TAFA5: variants seen among roughly 807,000 people sequenced by gnomAD.
TAFA5 encodes the protein TAFA chemokine like family member 5.
Under a neutral mutation model 15.3 loss-of-function variants are expected in TAFA5, and 6 were observed. That is an observed-to-expected ratio of 0.39 (90% CI 0.21 to 0.77). TAFA5 has a LOEUF of 0.77. Among genes scored for constraint, TAFA5 ranks in the 30% least tolerant of loss-of-function variants. The pLI is 0.41. For missense variants in TAFA5, 161 were observed against 193.1 expected, an observed-to-expected ratio of 0.83 and a Z score of 0.98; for synonymous variants, 103 against 80.7, an observed-to-expected ratio of 1.28 and a Z score of -1.48.
In TAFA5 at chr22:48,560,904, C is replaced by T. The variant is rs1044166018; in HGVS notation, c.112+71200C>T. On this transcript the variant is annotated intron_variant, in intron 1 of 3. Coordinates refer to ENST00000402357, the MANE Select transcript of TAFA5 (RefSeq NM_001082967.3). The surrounding 1 kb of genome is among the most constrained non-coding windows in gnomAD (Gnocchi z 4.2). ...GGATTACAGGTGTGAGCCACCACGC[C>T]TGGCCTCACAGTTGTCTTTAAAGTG... 6.6e-6 allele frequency among the ~76,000 whole-genome samples: 1 copy of T among 152,190 alleles called. No individual in the cohort carries two copies.
intron 2 of TAFA5, among the ~76,000 whole-genome samples, chr22:48,687,407 T>C (rs1928398387): frequency 7.1e-6 from 1 of 141,394 alleles, no homozygotes; most frequent in Admixed American, 7.5e-5. Context: ...AATGGATAGA[T>C]AGATGGGTGG....
rs1357018420 is a variant in TAFA5 at position 48,622,450 on chromosome 22, T to C, written c.113-24147T>C. Among the ~76,000 whole-genome samples, 6 of 152,110 alleles carry C rather than the reference T, an allele frequency of 3.9e-5. No homozygotes were observed. The East Asian group carries it at 1.2e-3, about 29-fold the overall frequency. Reference sequence around the variant, plus strand: ...GCAGTGGGGAGAGATTGCACTCAGCTCCACTACAGCACGGGGCGCTGGGGA... The same window carrying C: ...GCAGTGGGGAGAGATTGCACTCAGCCCCACTACAGCACGGGGCGCTGGGGA... On this transcript the variant is annotated intron_variant, in intron 1 of 3. Coordinates refer to ENST00000402357, the MANE Select transcript of TAFA5 (RefSeq NM_001082967.3).
At chr22:48,629,439 C>G (rs2147187957) in intron 1 of TAFA5, among the ~76,000 whole-genome samples, 1 of 152,366 alleles carries the variant, frequency 6.6e-6, no homozygotes, top group South Asian at 2.1e-4. Context: ...GGATGCCCCA[C>G]AGTCCACAGC....
At chr22:48,697,930 GTGA>G (rs1226281989) in intron 2 of TAFA5, among the ~76,000 whole-genome samples, 1 of 130,832 alleles carries the variant, frequency 7.6e-6, no homozygotes, top group African/African-American at 3.0e-5. Flanking sequence ...GGTGGTGGTG[GTGA>G]TGATGTGTGA....
intron 2 of TAFA5, among the ~76,000 whole-genome samples, chr22:48,661,405 G>A (rs1236441021): frequency 2.0e-5 from 3 of 152,214 alleles, no homozygotes; most frequent in South Asian, 2.1e-4. Context: ...CGCAGAACTC[G>A]CCCCGATGAG....
intron 1 of TAFA5, among the ~76,000 whole-genome samples, chr22:48,504,887 G>C (rs565624276): frequency 1.3e-5 from 2 of 152,288 alleles, no homozygotes; most frequent in South Asian, 2.1e-4. Flanking sequence ...TCCAGCCTTG[G>C]GGGGCTCAGG....
At chr22:48,690,533 C>A (rs1304596976) in intron 2 of TAFA5, among the ~76,000 whole-genome samples, 6 of 152,152 alleles carry the variant, frequency 3.9e-5, no homozygotes, top group African/African-American at 1.4e-4. Context: ...ACCAGCCCAT[C>A]GCCAGGGCCA....
chr22:48,633,248 A>G (rs1418951576), intron 1 of TAFA5, among the ~76,000 whole-genome samples: 1 of 152,192 alleles, frequency 6.6e-6, no homozygotes. Flanking sequence ...GAGGGCACGA[A>G]TGTCATCTGC....
At chr22:48,503,320 G>A (rs1920963899) in intron 1 of TAFA5, among the ~76,000 whole-genome samples, 2 of 152,240 alleles carry the variant, frequency 1.3e-5, no homozygotes, top group Non-Finnish European at 2.9e-5. Flanking sequence ...AGGTGCATGG[G>A]AAGCCACTGA....
chr22:48,614,121 A>G (rs1925512844), intron 1 of TAFA5, among the ~76,000 whole-genome samples: 2 of 151,894 alleles, frequency 1.3e-5, no homozygotes, highest in Middle Eastern at 3.4e-3. Context: ...GCTTGGCTAC[A>G]TCACCCCTGT....
At chr22:48,536,385 C>G (rs567939330) in intron 1 of TAFA5, among the ~76,000 whole-genome samples, 2 of 152,216 alleles carry the variant, frequency 1.3e-5, no homozygotes, top group African/African-American at 2.4e-5. Context: ...CCATAAAAGA[C>G]GAGCCCGGAG....
intron 2 of TAFA5, among the ~76,000 whole-genome samples, chr22:48,653,155 A>C (rs1037551923): frequency 6.6e-6 from 1 of 152,022 alleles, no homozygotes; most frequent in Non-Finnish European, 1.5e-5. Flanking sequence ...CGTGTTATAA[A>C]CGCTTGGCAA....
At chr22:48,745,630 C>G (rs2147277165) in intron 3 of TAFA5, among the ~76,000 whole-genome samples, 1 of 152,372 alleles carries the variant, frequency 6.6e-6, no homozygotes, top group South Asian at 2.1e-4. Context: ...TACCTGAGGT[C>G]CTAGAATTCA....
chr22:48,587,517 A>C (rs2147153703), intron 1 of TAFA5, among the ~76,000 whole-genome samples: 1 of 152,238 alleles, frequency 6.6e-6, no homozygotes, highest in East Asian at 1.9e-4. Context: ...CCAAGGAGGC[A>C]GTGGCTGCTG....
chr22:48,567,220 G>A (rs1420310984), intron 1 of TAFA5, among the ~76,000 whole-genome samples: 2 of 152,248 alleles, frequency 1.3e-5, no homozygotes, highest in South Asian at 2.1e-4. Flanking sequence ...TGAGGGGCAG[G>A]CGGAGCCCTC....
intron 1 of TAFA5, chr22:48,539,411 C>G (rs1474188633): frequency 2.1e-6 from 1 of 471,196 alleles, no homozygotes; most frequent in Admixed American, 2.3e-5. Flanking sequence ...TTACTGTTTC[C>G]CAGGCAGGAA....
intron 2 of TAFA5, among the ~76,000 whole-genome samples, chr22:48,648,550 G>A (rs1926945128): frequency 3.3e-5 from 5 of 152,116 alleles, no homozygotes; most frequent in African/African-American, 9.7e-5. Flanking sequence ...GAAAAAGAAT[G>A]CCCGTATCAG....
At chr22:48,634,120 G>GCTCACTCA (rs71194366) in intron 1 of TAFA5, among the ~76,000 whole-genome samples, 17,408 of 150,798 alleles carry the variant, frequency 0.12, 1,354 homozygotes, top group Non-Finnish European at 0.16. Context: ...TCACTCACTC[G>GCTCACTCA]CTCACTCACT....
intron 3 of TAFA5, among the ~76,000 whole-genome samples, chr22:48,728,969 G>C (rs1569096676): frequency 6.6e-6 from 1 of 152,106 alleles, no homozygotes; most frequent in Non-Finnish European, 1.5e-5. Flanking sequence ...AAGTTGTAGA[G>C]CAAAGGAAAA....
Sources: gnomAD v4.1 joint callset for allele counts (sites outside exome capture counted in the v4.1 genomes callset) on GRCh38, gnomAD v4.1.1 for gene constraint, Gnocchi (gnomAD v3.1) non-coding constraint, MANE v1.5 for transcripts, NCBI Gene and HGNC (gene_info 2026-07-23, HGNC 2026-07-21) for gene names.